Variants in LBH observed in about 807,000 individuals in gnomAD.
LBH encodes the protein LBH regulator of Wnt signaling pathway, also known as protein LBH.
A neutral mutation model predicts 12.5 loss-of-function variants in LBH; 7 were observed. The observed-to-expected ratio is 0.56, with a 90% CI of 0.32 to 1.05. The LOEUF (loss-of-function observed/expected upper bound fraction) is 1.05, where lower values mean the gene tolerates loss of function less well. Among genes scored for constraint, LBH ranks in the 50% least tolerant of loss-of-function variants. LBH has a pLI of 0.04. For synonymous variants in LBH, 51 were observed against 50.1 expected, an observed-to-expected ratio of 1.02 and a Z score of -0.08; for missense variants, 119 against 138.9, an observed-to-expected ratio of 0.86 and a Z score of 0.72.
intron 2 of LBH, among the ~76,000 whole-genome samples, chr2:30,245,247 T>C (rs932229487): frequency 2.3e-4 from 35 of 152,194 alleles, no homozygotes; most frequent in African/African-American, 8.0e-4. Flanking sequence ...GTTCTTGAGT[T>C]TTTTAATAGG....
intron 2 of LBH, among the ~76,000 whole-genome samples, chr2:30,246,150 G>A (rs1247914316): frequency 6.6e-6 from 1 of 151,554 alleles, no homozygotes; most frequent in African/African-American, 2.4e-5. Flanking sequence ...GTAGAAATGA[G>A]GTTTTGCCAT....
intron 2 of LBH, among the ~76,000 whole-genome samples, chr2:30,247,386 G>C (rs1677889815): frequency 1.3e-5 from 2 of 152,154 alleles, no homozygotes; most frequent in Non-Finnish European, 2.9e-5. Context: ...AAGCTGTCAG[G>C]CTCATGGTGG....
At chr2:30,240,018 C>T (rs1201837257) in intron 2 of LBH, among the ~76,000 whole-genome samples, 1 of 152,196 alleles carries the variant, frequency 6.6e-6, no homozygotes, top group Non-Finnish European at 1.5e-5. Context: ...GGCCATACAT[C>T]CCGGCCTCCT....
chr2:30,252,167 C>T (rs116430567), intron 2 of LBH, among the ~76,000 whole-genome samples: 2,150 of 152,154 alleles, frequency 0.014, 48 homozygotes, highest in African/African-American at 0.047. Context: ...ATCATGGGGG[C>T]GGTTACTCTC....
At chr2:30,234,681 G>A (rs1015644208) in intron 2 of LBH, among the ~76,000 whole-genome samples, 174 bp downstream of exon 2, 1 of 152,152 alleles carries the variant, frequency 6.6e-6, no homozygotes, top group South Asian at 2.1e-4. Context: ...GGCAACAATC[G>A]TCCTTATCTC....
rs772666239 is a variant in LBH at position 30,257,577 on chromosome 2, C to G, written c.274C>G (p.Gln92Glu). The change falls in exon 3 of 3, where the codon CAA becomes GAA. Residue 92 changes from glutamine (Q) to glutamate (E), a missense_variant. Gln to Glu is a conservative substitution (Grantham distance 29). Transcript: ENST00000395323. Reference sequence around the variant, plus strand: ...GGAGTTCCTGGTCCAGGAGGATGAGCAAGATAACTGCGAAGAGACAGCGAA... The same window carrying G: ...GGAGTTCCTGGTCCAGGAGGATGAGGAAGATAACTGCGAAGAGACAGCGAA... ...PEEFLVQEDE[Q>E]DNCEETAKEN... 6.2e-7 allele frequency: 1 copy of G among 1,613,954 alleles called. No individual in the cohort carries two copies. Among genetic ancestry groups the G allele is most frequent in the South Asian group, 1.1e-5 (1 of 91,066 alleles).
At chr2:30,247,693 T>C (rs1677899076) in intron 2 of LBH, among the ~76,000 whole-genome samples, 1 of 152,276 alleles carries the variant, frequency 6.6e-6, no homozygotes, top group South Asian at 2.1e-4. Context: ...GTAGGCTAAC[T>C]GTCCATTTCA....
intron 1 of LBH, among the ~76,000 whole-genome samples, chr2:30,233,802 G>A (rs1219134900): frequency 6.6e-6 from 1 of 152,220 alleles, no homozygotes; most frequent in Non-Finnish European, 1.5e-5. Flanking sequence ...TAGAGAAAGG[G>A]GATGGATGGC....
chr2:30,235,199 C>T (rs1677668472), intron 2 of LBH, among the ~76,000 whole-genome samples: 1 of 152,166 alleles, frequency 6.6e-6, no homozygotes, highest in Non-Finnish European at 1.5e-5. Flanking sequence ...TGCCCTGCTG[C>T]CTCTCTACTG....
At chr2:30,257,342 C>G in intron 2 of LBH, 91 bp from the exon 3 acceptor site, 1 of 1,405,400 alleles carries the variant, frequency 7.1e-7, no homozygotes, top group Non-Finnish European at 1.0e-6. Context: ...ATGGCATGCA[C>G]CCAGTATGCC....
chr2:30,255,259 A>G (rs552023106), intron 2 of LBH, among the ~76,000 whole-genome samples: 2 of 152,108 alleles, frequency 1.3e-5, no homozygotes, highest in East Asian at 3.9e-4. Context: ...GGCCCCACCC[A>G]AGAAATGAGG....
chr2:30,249,458 AATCCAG>A (rs1486448474), intron 2 of LBH, among the ~76,000 whole-genome samples: 1 of 152,234 alleles, frequency 6.6e-6, no homozygotes, highest in Non-Finnish European at 1.5e-5. Flanking sequence ...AGAAGTAAGA[AATCCAG>A]ACGTTGGGAA....
At position 30,257,496 on chromosome 2, in the gene LBH, G is replaced by A; in HGVS notation, c.193G>A (p.Val65Met). 6.2e-7 allele frequency: 1 copy of A among 1,614,244 alleles called. No individual in the cohort carries two copies. Among genetic ancestry groups the A allele is most frequent in the Non-Finnish European group, 8.5e-7 (1 of 1,180,032 alleles). ...CKLKDRLPSI[V>M]VEPTEGEVES... is the part of the protein sequence containing the mutation. Reference sequence around the variant, plus strand: ...ACTGAAGGACCGTCTGCCCTCCATAGTGGTGGAACCCACAGAAGGGGAGGT... The same window carrying A: ...ACTGAAGGACCGTCTGCCCTCCATAATGGTGGAACCCACAGAAGGGGAGGT... The change falls in exon 3 of 3, where the codon GTG becomes ATG. Residue 65 changes from valine (V) to methionine (M), a missense_variant. By Grantham distance (21) the Val-to-Met change is conservative. Transcript: ENST00000395323.
intron 2 of LBH, among the ~76,000 whole-genome samples, chr2:30,249,396 C>G (rs1677933859): frequency 6.6e-6 from 1 of 152,072 alleles, no homozygotes. Context: ...TATAAGCCAG[C>G]CCATCGTAGG....
chr2:30,232,033 G>A, intron 1 of LBH: 1 of 1,322,308 alleles, frequency 7.6e-7, no homozygotes, highest in Non-Finnish European at 1.0e-6. Flanking sequence ...TGGCGGGGGA[G>A]CCAGGGGTCA....
intron 2 of LBH, among the ~76,000 whole-genome samples, chr2:30,248,378 G>A (rs1677913911): frequency 6.6e-6 from 1 of 152,224 alleles, no homozygotes; most frequent in South Asian, 2.1e-4. Context: ...TTCGAGATTT[G>A]TTTCCATCCA....
At chr2:30,250,505 C>T (rs1427291351) in intron 2 of LBH, among the ~76,000 whole-genome samples, 3 of 151,538 alleles carry the variant, frequency 2.0e-5, no homozygotes, top group Non-Finnish European at 4.4e-5. Context: ...CAGATGATGG[C>T]TGAGAGATGC....
chr2:30,257,330 C>T (rs6548005), intron 2 of LBH, 103 bp from the exon 3 acceptor site: 4 of 1,286,894 alleles, frequency 3.1e-6, no homozygotes, highest in African/African-American at 1.5e-5. Flanking sequence ...AGTCCCTGGC[C>T]TATGGCATGC....
intron 2 of LBH, among the ~76,000 whole-genome samples, chr2:30,240,297 G>T (rs775998196): frequency 6.6e-6 from 1 of 152,210 alleles, no homozygotes; most frequent in Non-Finnish European, 1.5e-5. Flanking sequence ...GGTCTCCCAC[G>T]TTGGATAGAA....
Sources: allele counts gnomAD v4.1 joint callset (sites outside exome capture counted in the v4.1 genomes callset), GRCh38; gene constraint gnomAD v4.1.1; transcripts MANE v1.5; gene names NCBI Gene and HGNC (gene_info 2026-07-23, HGNC 2026-07-21).